XYLT1: variants seen among roughly 807,000 people sequenced by gnomAD.
The protein encoded by XYLT1 is xylosyltransferase 1, also known as beta-D-xylosyltransferase 1.
In XYLT1, 36 loss-of-function variants were observed where a neutral mutation model predicts 91.3. The ratio of observed to expected loss-of-function variants is 0.39; its 90% CI spans 0.30 to 0.52. XYLT1 has a LOEUF of 0.52. XYLT1 is among the 20% of genes least tolerant of loss of function. The probability of loss-of-function intolerance (pLI) is 0.68; values close to 1 mark genes in which losing one functional copy is unlikely to be tolerated. For synonymous variants in XYLT1, 588 were observed against 532.0 expected (o/e 1.11, Z -1.45); for missense variants, 1,242 against 1,284.5 (o/e 0.97, Z 0.51).
chr16:17,385,345 C>T (rs12918227), intron 1 of XYLT1, among the ~76,000 whole-genome samples: 45,711 of 150,844 alleles, frequency 0.3, 7,577 homozygotes, highest in Non-Finnish European at 0.37. Flanking sequence ...CCTGGAACAT[C>T]TGCCAGAGGC....
At chr16:17,146,143 G>A (rs1306262513) in intron 6 of XYLT1, among the ~76,000 whole-genome samples, 2 of 151,684 alleles carry the variant, frequency 1.3e-5, no homozygotes, top group East Asian at 3.9e-4. Flanking sequence ...CATTCACTCA[G>A]GGGAATTACT....
chr16:17,168,875 T>C (rs2031760103), intron 5 of XYLT1, among the ~76,000 whole-genome samples: 1 of 152,114 alleles, frequency 6.6e-6, no homozygotes, highest in African/African-American at 2.4e-5. Context: ...CTTCAGCGGC[T>C]CTCCATCATC....
At chr16:17,162,002 T>C (rs1245206306) in intron 5 of XYLT1, among the ~76,000 whole-genome samples, 2 of 152,114 alleles carry the variant, frequency 1.3e-5, no homozygotes, top group East Asian at 3.8e-4. Context: ...AAATGAGTAA[T>C]ACAATAATCT....
intron 9 of XYLT1, among the ~76,000 whole-genome samples, chr16:17,133,215 A>G (rs1261719390): frequency 6.6e-6 from 1 of 152,092 alleles, no homozygotes; most frequent in Non-Finnish European, 1.5e-5. Flanking sequence ...GCCAGGGATG[A>G]GACACCAGGT....
chr16:17,360,612 C>A (rs2035368441), intron 1 of XYLT1, among the ~76,000 whole-genome samples: 1 of 152,202 alleles, frequency 6.6e-6, no homozygotes. Flanking sequence ...CCTCCCTCTG[C>A]ACACACTGGA....
chr16:17,142,782 T>C (rs931333292), intron 6 of XYLT1, among the ~76,000 whole-genome samples: 1 of 152,070 alleles, frequency 6.6e-6, no homozygotes. Context: ...GCATAAATGA[T>C]ATTTAGAGGT....
intron 1 of XYLT1, among the ~76,000 whole-genome samples, chr16:17,459,265 A>G (rs2036784188): frequency 6.6e-6 from 1 of 151,980 alleles, no homozygotes; most frequent in Non-Finnish European, 1.5e-5. Context: ...CCACCTACTC[A>G]GGGGGCTGAG....
intron 2 of XYLT1, chr16:17,338,221 A>G (rs1394604868): frequency 1.5e-5 from 7 of 456,136 alleles, no homozygotes; most frequent in African/African-American, 1.2e-4. Context: ...TCCATTCCCC[A>G]CGAAGCAGCC....
chr16:17,290,266 A>G (rs1271209729), intron 2 of XYLT1, among the ~76,000 whole-genome samples: 1 of 152,266 alleles, frequency 6.6e-6, no homozygotes, highest in Admixed American at 6.5e-5. Flanking sequence ...ATTTTTAACA[A>G]CTTTCTAAGT....
chr16:17,188,195 A>AACTGCT (rs1254672072), intron 5 of XYLT1, among the ~76,000 whole-genome samples: 9 of 152,056 alleles, frequency 5.9e-5, no homozygotes, highest in Non-Finnish European at 8.8e-5. Context: ...CAGTAGAAGC[A>AACTGCT]ACTGCTTGTG....
chr16:17,259,618 C>CT, intron 2 of XYLT1, 120 bp from the exon 3 acceptor site: 2 of 1,212,820 alleles, frequency 1.6e-6, no homozygotes, highest in Non-Finnish European at 2.3e-6. Flanking sequence ...TCACATCCTA[C>CT]TTTTGCTACT....
At chr16:17,427,266 G>A (rs959565561) in intron 1 of XYLT1, among the ~76,000 whole-genome samples, 32 of 152,238 alleles carry the variant, frequency 2.1e-4, no homozygotes, top group African/African-American at 7.5e-4. Flanking sequence ...TTGCCACCAC[G>A]AACAACATCT....
In XYLT1 at chr16:17,237,900, C is replaced by T. The variant is rs543123563; in HGVS notation, c.913+21088G>A. The stretch of plus-strand genomic sequence containing the variant: ...CAAGTCAGTATTAAAATGGTCCAGG[C>T]GTAAGGCTGGCTCCAAATCCCTCTG... On this transcript the variant is annotated intron_variant, in intron 3 of 11. Transcript: ENST00000261381. Among the ~76,000 whole-genome samples, 10 of 152,316 alleles carry T rather than the reference C, an allele frequency of 6.6e-5. No individual in the cohort carries two copies. The South Asian group carries it at 1.0e-3, about 16-fold the overall frequency.
chr16:17,251,423 T>G (rs1022373901), intron 3 of XYLT1: 1 of 152,314 alleles, frequency 6.6e-6, no homozygotes, highest in Admixed American at 6.5e-5. Flanking sequence ...TCATCTTCCC[T>G]GGAACTTCTC....
chr16:17,338,502 G>A (rs1036907230), intron 2 of XYLT1: 3 of 456,354 alleles, frequency 6.6e-6, no homozygotes, highest in African/African-American at 6.0e-5. Flanking sequence ...GAGGAGCCTT[G>A]TGCTCCATGA....
In XYLT1 at chr16:17,388,461, G is replaced by A. The variant is rs115885428; in HGVS notation, c.364-30411C>T. ...AGGAACTAGTTAAGGGAACAAGCAC[G>A]GTCTCTGGGTTCAGACAGACCAGAG... On this transcript the variant is annotated intron_variant, in intron 1 of 11. Transcript: ENST00000261381. 5.2e-4 allele frequency among the ~76,000 whole-genome samples: 79 copies of A among 152,180 alleles called. 1 individual carries two copies. The highest frequency in any genetic ancestry group is 1.8e-3 in the African/African-American group (75 of 41,484).
At chr16:17,128,533 G>C (rs1039445148) in intron 9 of XYLT1, among the ~76,000 whole-genome samples, 1 of 152,156 alleles carries the variant, frequency 6.6e-6, no homozygotes, top group Admixed American at 6.5e-5. Context: ...TTAAATGTCT[G>C]AGGCTCTTCG....
intron 1 of XYLT1, among the ~76,000 whole-genome samples, chr16:17,424,683 C>A (rs2036290783): frequency 6.6e-6 from 1 of 151,958 alleles, no homozygotes; most frequent in African/African-American, 2.4e-5. Flanking sequence ...TCCTGGTCAA[C>A]ACGGTGAAAC....
rs2034052985 is a variant in XYLT1, at chr16:17,281,185, T to A, written c.403-21687A>T. Among the ~76,000 whole-genome samples, 2 of 152,054 alleles carry A rather than the reference T, an allele frequency of 1.3e-5. 1 individual carries two copies. Among genetic ancestry groups the A allele is most frequent in the East Asian group, 3.9e-4 (2 of 5,186 alleles). On this transcript the variant is annotated intron_variant, in intron 2 of 11. Transcript: ENST00000261381. ...GGCCTGCAGCATCCAGGGGAGCGGC[T>A]GAAGGACAGGTACTAGAGCTGGAGG...
Sources: allele counts gnomAD v4.1 joint callset (sites outside exome capture counted in the v4.1 genomes callset), GRCh38; gene constraint gnomAD v4.1.1; transcripts MANE v1.5; gene names NCBI Gene and HGNC (gene_info 2026-07-23, HGNC 2026-07-21).